The following LARP4 variants were observed in gnomAD, a reference collection of about 807,000 sequenced individuals.
LARP4 encodes the protein la-related protein 4.
A neutral mutation model predicts 92.9 loss-of-function variants in LARP4; 29 were observed. The ratio of observed to expected loss-of-function variants is 0.31; its 90% confidence interval spans 0.23 to 0.43. LARP4 has a LOEUF of 0.43. LARP4 is among the 20% of genes least tolerant of loss of function. The pLI is 1.00. For synonymous variants in LARP4, 279 were observed against 284.1 expected (o/e 0.98, Z 0.18); for missense variants, 732 against 860.0 (o/e 0.85, Z 1.86).
rs779613242 is a variant in LARP4, at chr12:50,467,069, C to T, written c.1494C>T (p.Leu498=). 2.2e-5 allele frequency: 35 copies of T among 1,613,356 alleles called. No individual in the cohort carries two copies. The highest frequency in any genetic ancestry group is 4.5e-5 in the East Asian group (2 of 44,870). Residue 498 remains leucine, a synonymous_variant, in exon 13 of 16, where the codon CTC becomes CTT. Transcript: ENST00000398473. ...PGSSSRMPGE[L]VLENRMSDVV... is the part of the protein sequence containing the mutation. Reference sequence around the variant, plus strand: ...GTTCATCAAGAATGCCAGGTGAACTCGTTTTGGAGAATAGGATGTCTGATG... The same window carrying T: ...GTTCATCAAGAATGCCAGGTGAACTTGTTTTGGAGAATAGGATGTCTGATG...
intron 11 of LARP4, 141 bp downstream of exon 11, chr12:50,461,488 C>T: frequency 1.1e-6 from 1 of 910,530 alleles, no homozygotes; most frequent in Non-Finnish European, 1.6e-6. Context: ...ATTTTCAGAA[C>T]ATGAGTTGGT....
chr12:50,408,856 G>A (rs773559409), intron 1 of LARP4, among the ~76,000 whole-genome samples: 3 of 152,102 alleles, frequency 2.0e-5, no homozygotes, highest in Non-Finnish European at 4.4e-5. Context: ...CATTGGGTAT[G>A]GCAGGCTGGG....
chr12:50,468,541 C>T (rs1382151401), intron 13 of LARP4, among the ~76,000 whole-genome samples: 2 of 151,980 alleles, frequency 1.3e-5, no homozygotes, highest in African/African-American at 2.4e-5. Flanking sequence ...TCGTGATCCG[C>T]CCGTCTCGGC....
chr12:50,406,094 G>A (rs1944779498), intron 1 of LARP4, among the ~76,000 whole-genome samples: 3 of 152,094 alleles, frequency 2.0e-5, no homozygotes, highest in Admixed American at 2.0e-4. Context: ...TCATGGATAT[G>A]GAGGGCCAAC....
At chr12:50,439,802 A>G (rs77520612) in intron 6 of LARP4, among the ~76,000 whole-genome samples, 2,605 of 151,980 alleles carry the variant, frequency 0.017, 26 homozygotes, top group Admixed American at 0.026. Flanking sequence ...GCTTCTTTCA[A>G]TCCATTAACA....
intron 1 of LARP4, chr12:50,421,252 T>G: frequency 9.1e-6 from 9 of 984,598 alleles, no homozygotes; most frequent in Non-Finnish European, 1.1e-5. Context: ...CCCAGCCGGC[T>G]TTTAACGTAC....
At chr12:50,466,844 G>A (rs961496436) in intron 12 of LARP4, 115 bp from the exon 13 acceptor site, 1 of 899,684 alleles carries the variant, frequency 1.1e-6, no homozygotes, top group African/African-American at 1.7e-5. Context: ...ACAGTTCTGT[G>A]CATTATAGAG....
At position 50,475,093 on chromosome 12, in the gene LARP4, T is replaced by A. The variant is rs530061003; in HGVS notation, c.1837-433T>A. Among the ~76,000 whole-genome samples, 18 of 152,340 alleles carry A rather than the reference T, an allele frequency of 1.2e-4. No homozygotes were observed. In the East Asian group the frequency reaches 3.5e-3, roughly 29 times the overall value. ...GTTCTCACAATACCTCTATTCCACC[T>A]TTTTCAGTTGAGGTAATTAAGACTT... On this transcript the variant is annotated intron_variant, in intron 15 of 15. Transcript: ENST00000398473.
At chr12:50,405,490 G>A (rs1182655266) in intron 1 of LARP4, among the ~76,000 whole-genome samples, 1 of 150,766 alleles carries the variant, frequency 6.6e-6, no homozygotes, top group South Asian at 2.1e-4. Context: ...ACACAGTCTC[G>A]TTTGCTGCAG....
chr12:50,411,767 G>GC (rs1201228250), intron 1 of LARP4, among the ~76,000 whole-genome samples: 5 of 152,016 alleles, frequency 3.3e-5, no homozygotes, highest in Middle Eastern at 3.4e-3. Context: ...TGTAGCCTCT[G>GC]CCCCCCGAGT....
intron 8 of LARP4, among the ~76,000 whole-genome samples, chr12:50,446,396 T>TCCCCCCC (rs1952119948): frequency 1.8e-4 from 1 of 5,554 alleles, no homozygotes; most frequent in Non-Finnish European, 2.6e-4. Flanking sequence ...TCTCTCTCTC[T>TCCCCCCC]CTCTCTCTCT....
chr12:50,404,253 A>G (rs768553908), intron 1 of LARP4, among the ~76,000 whole-genome samples: 4 of 152,150 alleles, frequency 2.6e-5, no homozygotes, highest in Non-Finnish European at 5.9e-5. Context: ...GGCACATATA[A>G]TTTAAACTTG....
intron 8 of LARP4, among the ~76,000 whole-genome samples, chr12:50,445,765 T>C (rs1465870759): frequency 3.3e-5 from 5 of 152,126 alleles, no homozygotes; most frequent in African/African-American, 1.2e-4. Context: ...GAGTTTCCAT[T>C]TTTCAAAATA....
intron 1 of LARP4, among the ~76,000 whole-genome samples, chr12:50,405,165 C>T (rs991944650): frequency 6.6e-6 from 1 of 151,634 alleles, no homozygotes; most frequent in African/African-American, 2.4e-5. Flanking sequence ...TCCTAAAGTG[C>T]TGGGATTATA....
intron 13 of LARP4, among the ~76,000 whole-genome samples, chr12:50,470,537 G>A (rs1030697616): frequency 1.3e-5 from 2 of 151,738 alleles, no homozygotes; most frequent in Non-Finnish European, 2.9e-5. Context: ...AGGTTCAAGC[G>A]ATTCTCCTGC....
intron 13 of LARP4, among the ~76,000 whole-genome samples, chr12:50,470,568 G>T (rs906067142): frequency 3.3e-5 from 5 of 152,050 alleles, no homozygotes; most frequent in Non-Finnish European, 5.9e-5. Context: ...CAGGTAGCTG[G>T]GATTACAGGC....
intron 3 of LARP4, among the ~76,000 whole-genome samples, 181 bp downstream of exon 3, chr12:50,429,271 T>C (rs1006335876): frequency 2.0e-5 from 3 of 152,124 alleles, no homozygotes; most frequent in African/African-American, 7.2e-5. Context: ...TTTTGTAATG[T>C]TAAGATTGTT....
At chr12:50,448,326 C>T (rs1167648377) in intron 8 of LARP4, among the ~76,000 whole-genome samples, 4 of 152,140 alleles carry the variant, frequency 2.6e-5, no homozygotes, top group Non-Finnish European at 5.9e-5. Context: ...GCCATCACTG[C>T]CATCTATCTC....
Position 50,474,075 on chromosome 12 carries a change from G to A in LARP4, c.1744G>A (p.Val582Ile). 2 of 1,612,370 alleles carry A rather than the reference G, an allele frequency of 1.2e-6. No individual in the cohort carries two copies. Among genetic ancestry groups the A allele is most frequent in the Non-Finnish European group, 1.7e-6 (2 of 1,179,512 alleles). ...KDGLNQTTIP[V>I]SPPSTTKPSR... ...TGGTCTCAATCAGACAACTATACCA[G>A]TTTCTCCTCCAAGTACTACAAAGCC... The change falls in exon 15 of 16, where the codon GTT becomes ATT. Residue 582 changes from valine (V) to isoleucine (I), a missense_variant. Around this residue, in one of 7 missense-constraint regions of LARP4, gnomAD observed 97 missense variants for 85.9 expected, o/e 1.13. Transcript: ENST00000398473.
Sources: gnomAD v4.1 joint callset for allele counts (sites outside exome capture counted in the v4.1 genomes callset) on GRCh38, gnomAD v4.1.1 for gene constraint, gnomAD v4.1.1 regional missense constraint, MANE v1.5 for transcripts, NCBI Gene and HGNC (gene_info 2026-07-23, HGNC 2026-07-21) for gene names.